DENND5A: variants seen among roughly 807,000 people sequenced by gnomAD.
DENND5A encodes the protein DENN domain containing 5A.
DENND5A carries 64 observed loss-of-function variants against 140.3 expected under a neutral mutation model. That is an observed-to-expected ratio of 0.46 (90% CI 0.37 to 0.56). DENND5A has a LOEUF of 0.56. Among genes scored for constraint, DENND5A ranks in the 20% least tolerant of loss-of-function variants. The pLI is 0.00. For synonymous variants in DENND5A, 605 were observed against 607.7 expected, an observed-to-expected ratio of 1.00 and a Z score of 0.07; for missense variants, 1,292 against 1,593.8, an observed-to-expected ratio of 0.81 and a Z score of 3.22.
rs148405272 is a variant in DENND5A, at chr11:9,255,951, G to A, written c.109+9010C>T. 3.3e-5 allele frequency among the ~76,000 whole-genome samples: 5 copies of A among 151,694 alleles called. No individual in the cohort carries two copies. The East Asian group carries it at 7.8e-4, about 24-fold the overall frequency. On this transcript the variant is annotated intron_variant, in intron 1 of 22. Coordinates refer to ENST00000328194, the MANE Select transcript of DENND5A (RefSeq NM_015213.4). ...TGAGGAAGGAGAATGGCCTGAACCC[G>A]GGAGGCAGTGGTTGCAGTAAGCCAA... is the stretch of plus-strand genomic sequence containing the variant.
At chr11:9,227,737 CACCTG>C (rs1435222479) in intron 1 of DENND5A, among the ~76,000 whole-genome samples, 1 of 151,790 alleles carries the variant, frequency 6.6e-6, no homozygotes, top group Admixed American at 6.6e-5. Context: ...ATGGGAGGAT[CACCTG>C]ACGCCAGTTC....
At chr11:9,262,886 C>T (rs560457797) in intron 1 of DENND5A, among the ~76,000 whole-genome samples, 2 of 152,016 alleles carry the variant, frequency 1.3e-5, no homozygotes, top group Non-Finnish European at 2.9e-5. Flanking sequence ...GGACTACAGG[C>T]GCCCGCCACC....
chr11:9,261,616 A>G (rs1590353292), intron 1 of DENND5A, among the ~76,000 whole-genome samples: 1 of 152,124 alleles, frequency 6.6e-6, no homozygotes, highest in East Asian at 1.9e-4. Context: ...CATCTCTACT[A>G]AAGATACAAA....
intron 3 of DENND5A, among the ~76,000 whole-genome samples, chr11:9,204,803 A>G (rs1236796029): frequency 6.6e-6 from 1 of 152,236 alleles, no homozygotes; most frequent in African/African-American, 2.4e-5. Flanking sequence ...CGGAGGTTGC[A>G]GTGAGCCAAG....
At chr11:9,224,388 T>C (rs1161802271) in intron 1 of DENND5A, among the ~76,000 whole-genome samples, 3 of 152,160 alleles carry the variant, frequency 2.0e-5, no homozygotes, top group Non-Finnish European at 2.9e-5. Context: ...CCAACATTCC[T>C]AGTCTCACCT....
chr11:9,225,452 T>C (rs1850489047), intron 1 of DENND5A, among the ~76,000 whole-genome samples: 1 of 152,196 alleles, frequency 6.6e-6, no homozygotes, highest in African/African-American at 2.4e-5. Flanking sequence ...AGTGGGCAGA[T>C]GTTGGCTCTT....
intron 4 of DENND5A, among the ~76,000 whole-genome samples, chr11:9,200,120 A>T (rs1159027565): frequency 1.3e-5 from 2 of 152,188 alleles, no homozygotes; most frequent in Admixed American, 6.6e-5. Flanking sequence ...AAAGAAACTC[A>T]GATGGAAGAA....
At chr11:9,255,485 A>G (rs1301157434) in intron 1 of DENND5A, among the ~76,000 whole-genome samples, 1 of 152,088 alleles carries the variant, frequency 6.6e-6, no homozygotes, top group Non-Finnish European at 1.5e-5. Flanking sequence ...TAATCTCAGC[A>G]CTTTGGGAGG....
chr11:9,244,698 T>G (rs1299031735), intron 1 of DENND5A, among the ~76,000 whole-genome samples: 1 of 151,814 alleles, frequency 6.6e-6, no homozygotes, highest in East Asian at 1.9e-4. Flanking sequence ...TTTTTGGAGA[T>G]AAGGTCTGGC....
intron 15 of DENND5A, among the ~76,000 whole-genome samples, chr11:9,147,908 C>T (rs373922724): frequency 2.0e-5 from 3 of 152,168 alleles, no homozygotes; most frequent in African/African-American, 7.2e-5. Flanking sequence ...GACAACTGTC[C>T]TGGTTGTCCA....
At position 9,153,344 on chromosome 11, in the gene DENND5A, CAAAAAAAA is replaced by C. The variant is rs59736475; in HGVS notation, c.2437-910_2437-903del. On this transcript the variant is annotated intron_variant, in intron 12 of 22. Coordinates refer to ENST00000328194, the MANE Select transcript of DENND5A (RefSeq NM_015213.4). The stretch of plus-strand genomic sequence containing the variant: ...TGGGTGACAGAATGAGGCTCCCTCT[CAAAAAAAA>C]AAAAAAAAAAAAAAAAAAGAAGCAA... 3.3e-4 allele frequency among the ~76,000 whole-genome samples: 9 copies of C among 27,028 alleles called. 1 individual carries two copies. Among genetic ancestry groups the C allele is most frequent in the African/African-American group, 1.1e-3 (9 of 7,828 alleles). The allele number at this position is 27,028 out of a possible 152,430, so 17.7% of individuals were successfully genotyped here. A position where few individuals can be genotyped will look rare whatever the true frequency, so the allele number is the denominator to read the frequency against.
intron 17 of DENND5A, chr11:9,145,327 C>A (rs1195578233): frequency 1.9e-5 from 11 of 591,192 alleles, no homozygotes; most frequent in African/African-American, 7.4e-5. Flanking sequence ...CCTAGAAGAA[C>A]AGGGTCAGGG....
intron 1 of DENND5A, among the ~76,000 whole-genome samples, chr11:9,248,928 G>T (rs1239433815): frequency 6.6e-6 from 1 of 152,068 alleles, no homozygotes; most frequent in Non-Finnish European, 1.5e-5. Context: ...CATCAGAGAT[G>T]ATACACCTGA....
intron 1 of DENND5A, among the ~76,000 whole-genome samples, chr11:9,244,865 C>T (rs753994908): frequency 2.0e-5 from 3 of 151,958 alleles, no homozygotes; most frequent in Non-Finnish European, 4.4e-5. Context: ...TTCATAGAGA[C>T]AGGGTTTCGC....
chr11:9,174,120 A>G (rs1452241134), intron 8 of DENND5A, among the ~76,000 whole-genome samples: 5 of 149,868 alleles, frequency 3.3e-5, no homozygotes, highest in South Asian at 4.2e-4. Context: ...AAAAAAAAAA[A>G]AAAAAAAAAG....
chr11:9,205,930 A>G (rs573781717), intron 3 of DENND5A, among the ~76,000 whole-genome samples: 13 of 152,302 alleles, frequency 8.5e-5, no homozygotes, highest in African/African-American at 2.9e-4. Context: ...CAGTACAAAG[A>G]TAAGGTTAAG....
At chr11:9,253,443 TGGA>T (rs1851812707) in intron 1 of DENND5A, among the ~76,000 whole-genome samples, 1 of 152,128 alleles carries the variant, frequency 6.6e-6, no homozygotes, top group South Asian at 2.1e-4. Flanking sequence ...CCCTGCCTGA[TGGA>T]GTCAAATAGC....
chr11:9,159,120 C>G (rs1284437064), intron 12 of DENND5A, among the ~76,000 whole-genome samples: 1 of 152,130 alleles, frequency 6.6e-6, no homozygotes, highest in African/African-American at 2.4e-5. Context: ...CCTTTTGTGT[C>G]TGGCTTCTTT....
rs1379481547 is a variant in DENND5A at position 9,248,826 on chromosome 11, T to TA, written c.109+16134dup. Among the ~76,000 whole-genome samples, 5 of 152,144 alleles carry TA rather than the reference T, an allele frequency of 3.3e-5. No individual in the cohort carries two copies. In the East Asian group the frequency reaches 9.6e-4, roughly 29 times the overall value. On this transcript the variant is annotated intron_variant, in intron 1 of 22. Coordinates refer to ENST00000328194, the MANE Select transcript of DENND5A (RefSeq NM_015213.4). ...GTTTTCTTCAACAATATTAACAATA[T>TA]ATCCCAAAATTAGTAGCTATCTTCA...
Sources: gnomAD v4.1 joint callset for allele counts (sites outside exome capture counted in the v4.1 genomes callset) on GRCh38, gnomAD v4.1.1 for gene constraint, MANE v1.5 for transcripts, NCBI Gene and HGNC (gene_info 2026-07-23, HGNC 2026-07-21) for gene names.